PI4KA: variants seen among roughly 807,000 people sequenced by gnomAD.
The protein encoded by PI4KA is PI4-kinase alpha.
A neutral mutation model predicts 271.4 loss-of-function variants in PI4KA; 122 were observed. The observed-to-expected ratio is 0.45, with a 90% CI of 0.39 to 0.52. The LOEUF (loss-of-function observed/expected upper bound fraction) is 0.52, where lower values mean the gene tolerates loss of function less well. Ranked by LOEUF, PI4KA falls within the 20% of genes least tolerant of loss-of-function variation. The pLI is 0.00. For synonymous variants in PI4KA, 1,041 were observed against 1,078.8 expected, an observed-to-expected ratio of 0.96 and a Z score of 0.69; for missense variants, 1,969 against 2,769.1, an observed-to-expected ratio of 0.71 and a Z score of 6.48.
intron 23 of PI4KA, among the ~76,000 whole-genome samples, chr22:20,756,712 C>A (rs1400615215): frequency 1.3e-5 from 2 of 152,108 alleles, no homozygotes; most frequent in Non-Finnish European, 2.9e-5. Context: ...CTCACTCCAA[C>A]CTCTGCCTCC....
rs140772715 is a variant in PI4KA, at chr22:20,757,340, T to C, written c.2791+3964A>G. ...TTTGAAACCATGTGGAAGAGTACAA[T>C]GTACTGCAAAAATGAAAATCGCTTT... On this transcript the variant is annotated intron_variant, in intron 23 of 54. Coordinates refer to ENST00000255882, the MANE Select transcript of PI4KA (RefSeq NM_058004.4). 2.8e-3 allele frequency among the ~76,000 whole-genome samples: 430 copies of C among 152,240 alleles called. 2 individuals carry two copies. The highest frequency in any genetic ancestry group is 0.017 in the Middle Eastern group (5 of 294).
chr22:20,777,083 T>A (rs1933353689), intron 19 of PI4KA, among the ~76,000 whole-genome samples: 1 of 151,932 alleles, frequency 6.6e-6, no homozygotes. Flanking sequence ...AAGGACTCAC[T>A]CTATCCCCCA....
chr22:20,769,235 T>A (rs185046231), intron 19 of PI4KA, among the ~76,000 whole-genome samples: 9 of 152,316 alleles, frequency 5.9e-5, no homozygotes, highest in Admixed American at 1.3e-4. Flanking sequence ...CCTGTGAACT[T>A]CTTGGCTCCC....
chr22:20,838,275 A>AT (rs2147776089), intron 2 of PI4KA, among the ~76,000 whole-genome samples: 1 of 152,288 alleles, frequency 6.6e-6, no homozygotes, highest in Admixed American at 6.5e-5. Flanking sequence ...ACTGATAAGC[A>AT]TTTTACCTGA....
At position 20,711,328 on chromosome 22, in the gene PI4KA, G is replaced by A; in HGVS notation, c.5923+13C>T. ...GGTGAAGGGAGAGGAGGGTGGCGCT[G>A]TGGCTGGCTGACCGATGTGGATGAT... is the stretch of plus-strand genomic sequence containing the variant. On this transcript the variant is annotated intron_variant, in intron 51 of 54. Transcript: ENST00000255882. 1.5e-6 allele frequency: 2 copies of A among 1,364,884 alleles called. 1 individual carries two copies. The highest frequency in any genetic ancestry group is 2.0e-6 in the Non-Finnish European group (2 of 992,690). The allele number at this position is 1,364,884 out of a possible 1,614,324, so 84.5% of individuals were successfully genotyped here. A position where few individuals can be genotyped will look rare whatever the true frequency, so the allele number is the denominator to read the frequency against.
intron 2 of PI4KA, among the ~76,000 whole-genome samples, chr22:20,837,717 G>C (rs1045182104): frequency 6.6e-6 from 1 of 152,082 alleles, no homozygotes; most frequent in African/African-American, 2.4e-5. Context: ...TCAATCATTT[G>C]TTTCAAATAG....
At chr22:20,804,939 G>T in intron 11 of PI4KA, 35 bp downstream of exon 11, 1 of 1,537,178 alleles carries the variant, frequency 6.5e-7, no homozygotes, top group Non-Finnish European at 8.9e-7. Context: ...GGTCATGCCT[G>T]GAGCTCACAT....
intron 3 of PI4KA, among the ~76,000 whole-genome samples, chr22:20,824,980 G>A (rs1473203660): frequency 7.0e-6 from 1 of 142,666 alleles, no homozygotes; most frequent in Non-Finnish European, 1.5e-5. Context: ...TGAGACAGGA[G>A]AATAGCTCGA....
At chr22:20,815,674 C>T (rs1156454979) in intron 7 of PI4KA, among the ~76,000 whole-genome samples, 1 of 151,906 alleles carries the variant, frequency 6.6e-6, no homozygotes, top group East Asian at 1.9e-4. Context: ...AGCTGAGACG[C>T]CAAGAGGCCA....
In PI4KA at chr22:20,727,789, C is replaced by T. The variant is rs756345848; in HGVS notation, c.4758G>A (p.Val1586=). The change falls in exon 40 of 55, where the codon GTG becomes GTA. Residue 1586 remains valine, a synonymous_variant. Coordinates refer to ENST00000255882, the MANE Select transcript of PI4KA (RefSeq NM_058004.4). ...VRLDPGAVSD[V]PEAIKFLVTW... The stretch of plus-strand genomic sequence containing the variant: ...GCTACACTACCTTGATTGCTTCAGG[C>T]ACATCACTAACGGCTCCCGGGTCCA... 1 of 1,613,718 alleles carries T rather than the reference C, an allele frequency of 6.2e-7. No homozygotes were observed. The highest frequency in any genetic ancestry group is 1.3e-5 in the African/African-American group (1 of 74,912).
chr22:20,850,551 C>A (rs1424032504), intron 1 of PI4KA, among the ~76,000 whole-genome samples: 2 of 151,900 alleles, frequency 1.3e-5, no homozygotes, highest in Non-Finnish European at 2.9e-5. Context: ...TCATGCCATT[C>A]TCCTGCCTCA....
chr22:20,792,050 A>G (rs1396031855), intron 19 of PI4KA, among the ~76,000 whole-genome samples: 1 of 152,154 alleles, frequency 6.6e-6, no homozygotes, highest in Non-Finnish European at 1.5e-5. Flanking sequence ...GCAGTTAGCC[A>G]AGGTCGCACC....
At chr22:20,821,455 G>A (rs1486710336) in intron 4 of PI4KA, among the ~76,000 whole-genome samples, 1 of 151,986 alleles carries the variant, frequency 6.6e-6, no homozygotes, top group African/African-American at 2.4e-5. Flanking sequence ...CCTGACCTCA[G>A]GTGATCCACC....
At chr22:20,721,234 TAGA>T (rs1341847731) in intron 43 of PI4KA, 61 bp downstream of exon 43, 6 of 1,578,828 alleles carry the variant, frequency 3.8e-6, no homozygotes, top group South Asian at 1.1e-5. Flanking sequence ...CTGGGGGCTG[TAGA>T]AGGTGCTTGG....
chr22:20,727,177 G>T, intron 41 of PI4KA, 53 bp downstream of exon 41: 1 of 1,542,420 alleles, frequency 6.5e-7, no homozygotes. Flanking sequence ...CACCAGGTAA[G>T]ACCCCTCCCA....
intron 9 of PI4KA, among the ~76,000 whole-genome samples, chr22:20,809,241 G>A (rs534648988): frequency 6.6e-6 from 1 of 152,114 alleles, no homozygotes; most frequent in East Asian, 1.9e-4. Flanking sequence ...TCACTCACGA[G>A]CTATGTAAAT....
At chr22:20,776,872 G>T (rs934473989) in intron 19 of PI4KA, among the ~76,000 whole-genome samples, 1 of 151,906 alleles carries the variant, frequency 6.6e-6, no homozygotes, top group South Asian at 2.1e-4. Context: ...CAGAGTATCC[G>T]AACAGTTACC....
At chr22:20,827,964 T>G (rs1445013169) in intron 3 of PI4KA, among the ~76,000 whole-genome samples, 1 of 152,070 alleles carries the variant, frequency 6.6e-6, no homozygotes, top group Non-Finnish European at 1.5e-5. Flanking sequence ...CCAGCTAATT[T>G]TTGTGTTTTT....
At chr22:20,754,819 G>A (rs916566071) in intron 23 of PI4KA, among the ~76,000 whole-genome samples, 3 of 152,136 alleles carry the variant, frequency 2.0e-5, no homozygotes, top group East Asian at 1.9e-4. Context: ...ATGGTAGCGT[G>A]CCACTGTAAT....
Sources: gnomAD v4.1 joint callset for allele counts (sites outside exome capture counted in the v4.1 genomes callset) on GRCh38, gnomAD v4.1.1 for gene constraint, MANE v1.5 for transcripts, NCBI Gene and HGNC (gene_info 2026-07-23, HGNC 2026-07-21) for gene names.